CFAP47: variants seen among roughly 807,000 people sequenced by gnomAD.
CFAP47 encodes cilia- and flagella-associated protein 47.
Under a neutral mutation model 148.1 loss-of-function variants are expected in CFAP47, and 29 were observed. The observed-to-expected ratio is 0.20, with a 90% CI of 0.15 to 0.27. The LOEUF is 0.27. CFAP47 is among the 10% of genes least tolerant of loss of function. The pLI is 1.00. For synonymous variants in CFAP47, 664 were observed against 577.3 expected (o/e 1.15, Z -2.15); for missense variants, 1,872 against 1,697.5 (o/e 1.10, Z -1.81).
chrX:36,154,976 G>C (rs1939350482), intron 37 of CFAP47, among the ~76,000 whole-genome samples: 1 of 110,940 alleles, frequency 9.0e-6, no homozygotes, highest in Admixed American at 9.6e-5. Context: ...AAAATAGGTA[G>C]CTTACAGACA....
chrX:36,323,264 C>T (rs192038361), intron 57 of CFAP47, among the ~76,000 whole-genome samples: 224 of 109,968 alleles, frequency 2.0e-3, no homozygotes, highest in African/African-American at 6.8e-3. Flanking sequence ...AAATAAAAAC[C>T]TTAAGTTCTA....
Position 36,349,887 on chromosome X carries a change from C to T in CFAP47, c.8604-151C>T, listed in dbSNP as rs782394879. On this transcript the variant is annotated intron_variant, in intron 58 of 63. Transcript: ENST00000378653. Reference sequence around the variant, plus strand: ...GAAATGTTTATAAAATCAGTATTTGCAGAAAATGTTCTTTCTTTCATCAGT... The same window carrying T: ...GAAATGTTTATAAAATCAGTATTTGTAGAAAATGTTCTTTCTTTCATCAGT... The T allele has an allele frequency of 5.6e-4, 204 of 363,759 alleles. 1 individual carries two copies. In the Middle Eastern group the frequency reaches 6.9e-3, roughly 12 times the overall value. The allele number at this position is 363,759 out of a possible 1,213,427, so 30.0% of individuals were successfully genotyped here.
At chrX:36,034,267 G>A (rs6629032) in intron 23 of CFAP47, among the ~76,000 whole-genome samples, 4,064 of 111,064 alleles carry the variant, frequency 0.037, 263 homozygotes, top group East Asian at 0.29. Flanking sequence ...TTTTCCATGG[G>A]TTTTGGAGAA....
chrX:36,229,809 G>A (rs1160085888), intron 46 of CFAP47, among the ~76,000 whole-genome samples: 3 of 86,682 alleles, frequency 3.5e-5, no homozygotes, highest in African/African-American at 1.4e-4. Context: ...CCCTTCCTTT[G>A]TCCATGTGTT....
intron 39 of CFAP47, among the ~76,000 whole-genome samples, chrX:36,164,085 T>A (rs1939462304): frequency 8.9e-6 from 1 of 111,951 alleles, no homozygotes; most frequent in Admixed American, 9.5e-5. Flanking sequence ...TTTATGAAGA[T>A]TTGTTTTATG....
At chrX:36,161,959 A>G (rs1389860334) in intron 39 of CFAP47, among the ~76,000 whole-genome samples, 6 of 112,335 alleles carry the variant, frequency 5.3e-5, no homozygotes, top group Non-Finnish European at 1.1e-4. Flanking sequence ...TTTAGAATAT[A>G]TGGTGTGTTA....
rs879046949 is a variant in CFAP47, at chrX:36,145,107, G to A, written c.5536-112G>A. ...TGTGTGTGTGTGTGTGTGTGTGTGTGTGTATGTGTGTGTATGTGCATATAT... is the reference window on the plus strand; with the variant it reads ...TGTGTGTGTGTGTGTGTGTGTGTGTATGTATGTGTGTGTATGTGCATATAT... On this transcript the variant is annotated intron_variant, in intron 35 of 63. Transcript: ENST00000378653. The A allele has an allele frequency of 6.8e-5, 21 of 309,724 alleles. No individual in the cohort carries two copies. The South Asian group carries it at 2.1e-3, about 30-fold the overall frequency. The allele number at this position is 309,724 out of a possible 1,213,427, so 25.5% of individuals were successfully genotyped here.
Position 35,989,347 on chromosome X carries a change from A to T in CFAP47, c.2742A>T (p.Glu914Asp), listed in dbSNP as rs147264129. 3.7e-3 allele frequency: 4,412 copies of T among 1,208,163 alleles called. 157 individuals carry two copies. The Admixed American group carries it at 0.089, about 24-fold the overall frequency. ...CTGTTGAAGCATATTCCTCACTGGA[A>T]TGTGAAGTAACTTGGCAGCAGGGCT... The part of the protein sequence containing the change: ...KGTVEAYSSL[E>D]CEVTWQQGFS... The change falls in exon 16 of 64, where the codon GAA becomes GAT. Residue 914 changes from glutamate (E) to aspartate (D), a missense_variant. Transcript: ENST00000378653.
chrX:36,144,022 A>T (rs1218409598), intron 35 of CFAP47, among the ~76,000 whole-genome samples: 1 of 111,718 alleles, frequency 9.0e-6, no homozygotes, highest in Non-Finnish European at 1.9e-5. Flanking sequence ...CCCAAATGGT[A>T]GTTCTTTACT....
chrX:36,178,213 A>G (rs1401399288), intron 39 of CFAP47, among the ~76,000 whole-genome samples: 1 of 111,155 alleles, frequency 9.0e-6, no homozygotes, highest in East Asian at 2.8e-4. Context: ...AAGGACTGCA[A>G]TACTACCTAT....
chrX:36,298,829 A>C (rs928554699), intron 51 of CFAP47, 148 bp from the exon 52 acceptor site: 36 of 335,551 alleles, frequency 1.1e-4, no homozygotes, highest in Non-Finnish European at 1.8e-4. Flanking sequence ...ATTCAAAGCT[A>C]GTGAGATATA....
At position 36,299,050 on chromosome X, in the gene CFAP47, G is replaced by A. The variant is rs16987461; in HGVS notation, c.7760G>A (p.Ser2587Asn). Residue 2587 changes from serine to asparagine, a missense_variant, in exon 52 of 64, where the codon AGT becomes AAT. Transcript: ENST00000378653. ...RGLHLEVQLT[S>N]AALNGDNEII... ...CTTCACTTAGAGGTGCAGTTAACGA[G>A]TGCTGCCCTTAATGGGGATAATGAA... The A allele has an allele frequency of 8.1e-3, 9,206 of 1,142,741 alleles. 444 individuals carry two copies. The African/African-American group carries it at 0.14, about 18-fold the overall frequency. The allele number at this position is 1,142,741 out of a possible 1,213,427, so 94.2% of individuals were successfully genotyped here.
chrX:36,187,301 G>C (rs1368072305), intron 40 of CFAP47, among the ~76,000 whole-genome samples: 3 of 111,884 alleles, frequency 2.7e-5, no homozygotes, highest in African/African-American at 9.7e-5. Flanking sequence ...TTCTTCAAAA[G>C]GTACTTTCCT....
intron 39 of CFAP47, among the ~76,000 whole-genome samples, chrX:36,165,972 G>T (rs748680038): frequency 1.8e-5 from 2 of 111,068 alleles, no homozygotes; most frequent in Non-Finnish European, 3.8e-5. Flanking sequence ...TGGAGATACC[G>T]GGGTTAGGGC....
intron 22 of CFAP47, among the ~76,000 whole-genome samples, chrX:36,018,547 A>T (rs746625488): frequency 8.9e-6 from 1 of 111,987 alleles, no homozygotes; most frequent in African/African-American, 3.2e-5. Flanking sequence ...GGCTTTTATC[A>T]TGAAAGGATG....
chrX:36,110,066 C>T (rs1189325531), intron 33 of CFAP47, among the ~76,000 whole-genome samples: 1 of 111,051 alleles, frequency 9.0e-6, no homozygotes, highest in African/African-American at 3.3e-5. Flanking sequence ...GTAGGTTGTC[C>T]GTTTACTCTG....
chrX:35,986,171 G>A (rs1343771678), intron 15 of CFAP47, among the ~76,000 whole-genome samples: 2 of 110,637 alleles, frequency 1.8e-5, no homozygotes, highest in African/African-American at 6.6e-5. Context: ...GGTTGGGGAA[G>A]TTCTCTTGGA....
intron 22 of CFAP47, among the ~76,000 whole-genome samples, chrX:36,029,304 T>C (rs1937255636): frequency 9.0e-6 from 1 of 111,075 alleles, no homozygotes; most frequent in Non-Finnish European, 1.9e-5. Context: ...TATAATAGCT[T>C]ATCCGTTTTT....
chrX:36,331,155 G>A (rs1237177538), intron 57 of CFAP47, among the ~76,000 whole-genome samples: 1 of 111,426 alleles, frequency 9.0e-6, no homozygotes, highest in Non-Finnish European at 1.9e-5. Flanking sequence ...GGGCTTCCGT[G>A]CTGCAAAATT....
Sources: gnomAD v4.1 joint callset for allele counts (sites outside exome capture counted in the v4.1 genomes callset) on GRCh38, gnomAD v4.1.1 for gene constraint, MANE v1.5 for transcripts, NCBI Gene and HGNC (gene_info 2026-07-23, HGNC 2026-07-21) for gene names.